The following DCLK1 variants were observed in gnomAD, a reference collection of about 807,000 sequenced individuals.
The protein encoded by DCLK1 is serine/threonine-protein kinase DCLK1.
DCLK1 carries 16 observed loss-of-function variants against 86.2 expected under a neutral mutation model. The ratio of observed to expected loss-of-function variants is 0.19; its 90% CI spans 0.13 to 0.28. The LOEUF (loss-of-function observed/expected upper bound fraction) is 0.28. DCLK1 is among the 10% of genes least tolerant of loss of function. The pLI is 1.00. For synonymous variants in DCLK1, 369 were observed against 370.5 expected (o/e 1.00, Z 0.05); for missense variants, 590 against 940.2 (o/e 0.63, Z 4.87).
intron 3 of DCLK1, among the ~76,000 whole-genome samples, chr13:36,107,557 A>C (rs1885443295): frequency 6.6e-6 from 1 of 152,110 alleles, no homozygotes. Flanking sequence ...AAAGTAGATA[A>C]GATAGGGATG....
chr13:35,801,249 A>G (rs887594043), intron 15 of DCLK1, among the ~76,000 whole-genome samples: 2 of 152,162 alleles, frequency 1.3e-5, no homozygotes, highest in Admixed American at 1.3e-4. Context: ...TGAAATCCCT[A>G]ATTTATTTAT....
intron 4 of DCLK1, among the ~76,000 whole-genome samples, chr13:35,875,016 C>T (rs891128315): frequency 1.3e-5 from 2 of 152,196 alleles, no homozygotes; most frequent in African/African-American, 4.8e-5. Context: ...TGATGGAGAA[C>T]AATACAAAGT....
intron 5 of DCLK1, among the ~76,000 whole-genome samples, chr13:35,865,657 G>C (rs1447993831): frequency 2.0e-5 from 3 of 152,152 alleles, no homozygotes; most frequent in African/African-American, 7.2e-5. Flanking sequence ...TTAGTGCCTA[G>C]CAAATGCCTG....
At chr13:35,814,493 A>G (rs542559832) in intron 11 of DCLK1, among the ~76,000 whole-genome samples, 1 of 152,342 alleles carries the variant, frequency 6.6e-6, no homozygotes, top group South Asian at 2.1e-4. Flanking sequence ...AAAGGGCATG[A>G]GCAGGCTGCA....
chr13:36,129,245 G>C (rs929917221), intron 1 of DCLK1, among the ~76,000 whole-genome samples: 21 of 152,190 alleles, frequency 1.4e-4, no homozygotes, highest in African/African-American at 4.8e-4. Flanking sequence ...GCAATAGTTA[G>C]AATTCCCTGG....
At chr13:35,945,435 C>A (rs559933034) in intron 4 of DCLK1, among the ~76,000 whole-genome samples, 27 of 152,186 alleles carry the variant, frequency 1.8e-4, no homozygotes, top group Admixed American at 1.5e-3. Context: ...GGAGAAGGGG[C>A]CCCAAGTCCA....
intron 4 of DCLK1, among the ~76,000 whole-genome samples, chr13:35,938,367 C>T (rs1375507160): frequency 6.6e-6 from 1 of 152,116 alleles, no homozygotes; most frequent in Non-Finnish European, 1.5e-5. Flanking sequence ...CAGTGGCTCA[C>T]ACCTGTAATC....
chr13:35,947,110 T>C (rs1877425867), intron 4 of DCLK1, among the ~76,000 whole-genome samples: 1 of 152,218 alleles, frequency 6.6e-6, no homozygotes, highest in Non-Finnish European at 1.5e-5. Context: ...AATTTAATTA[T>C]TAAGTGGTTA....
intron 6 of DCLK1, among the ~76,000 whole-genome samples, chr13:35,841,501 A>C (rs564572444): frequency 6.6e-6 from 1 of 152,008 alleles, no homozygotes; most frequent in South Asian, 2.1e-4. Flanking sequence ...AAATCTCTCA[A>C]GGATTTTAGG....
intron 10 of DCLK1, among the ~76,000 whole-genome samples, chr13:35,823,570 T>A (rs1293107306): frequency 3.3e-5 from 5 of 152,200 alleles, no homozygotes; most frequent in Non-Finnish European, 5.9e-5. Flanking sequence ...TCATCTGAAC[T>A]TTTGTTTCCT....
chr13:36,109,243 A>C (rs1438996378), intron 3 of DCLK1, among the ~76,000 whole-genome samples: 1 of 152,274 alleles, frequency 6.6e-6, no homozygotes, highest in Non-Finnish European at 1.5e-5. Context: ...ACGCTTGACA[A>C]AACAACAGTT....
At chr13:35,993,028 T>C (rs1048500371) in intron 3 of DCLK1, among the ~76,000 whole-genome samples, 2 of 152,334 alleles carry the variant, frequency 1.3e-5, no homozygotes, top group Middle Eastern at 3.4e-3. Flanking sequence ...TTTCACATCC[T>C]GGTCCTTTTG....
At chr13:36,075,041 A>G (rs1884139819) in intron 3 of DCLK1, among the ~76,000 whole-genome samples, 1 of 152,128 alleles carries the variant, frequency 6.6e-6, no homozygotes, top group Non-Finnish European at 1.5e-5. Context: ...TTAAGGGGGG[A>G]AAAACCCAAT....
chr13:35,788,106 T>C (rs2086652913), intron 16 of DCLK1: 1 of 1,044,230 alleles, frequency 9.6e-7, no homozygotes, highest in African/African-American at 1.6e-5. Flanking sequence ...GCATATGGAC[T>C]GGATAACAAA....
At chr13:35,867,951 A>AAG (rs1871960737) in intron 5 of DCLK1, among the ~76,000 whole-genome samples, 5 of 147,958 alleles carry the variant, frequency 3.4e-5, no homozygotes, top group African/African-American at 1.2e-4. Flanking sequence ...GAAAGAAAGA[A>AAG]AGAAAGAAAG....
chr13:35,798,700 C>T (rs2086860203), intron 15 of DCLK1, among the ~76,000 whole-genome samples: 1 of 152,164 alleles, frequency 6.6e-6, no homozygotes, highest in Non-Finnish European at 1.5e-5. Flanking sequence ...ATGGAAACTG[C>T]AATTCCATGT....
chr13:36,095,999 A>T (rs761410417), intron 3 of DCLK1, among the ~76,000 whole-genome samples: 7 of 152,194 alleles, frequency 4.6e-5, no homozygotes, highest in Admixed American at 1.3e-4. Context: ...TAATAATAAG[A>T]CCTATATAAT....
At chr13:36,002,700 T>C (rs1880772498) in intron 3 of DCLK1, among the ~76,000 whole-genome samples, 1 of 152,208 alleles carries the variant, frequency 6.6e-6, no homozygotes, top group Non-Finnish European at 1.5e-5. Flanking sequence ...TATATGTGCA[T>C]GTACACATGT....
intron 3 of DCLK1, among the ~76,000 whole-genome samples, chr13:35,991,497 T>C (rs1036197912): frequency 6.6e-6 from 1 of 151,892 alleles, no homozygotes; most frequent in African/African-American, 2.4e-5. Flanking sequence ...CTCACCTTTA[T>C]GAAAAATTTA....
Sources: allele counts gnomAD v4.1 joint callset (sites outside exome capture counted in the v4.1 genomes callset), GRCh38; gene constraint gnomAD v4.1.1; transcripts MANE v1.5; gene names NCBI Gene and HGNC (gene_info 2026-07-23, HGNC 2026-07-21).